Variants in VAMP4 observed in about 807,000 individuals in gnomAD.
VAMP4 encodes vesicle-associated membrane protein 4.
A neutral mutation model predicts 23.5 loss-of-function variants in VAMP4; 19 were observed. The ratio of observed to expected loss-of-function variants is 0.81; its 90% CI spans 0.56 to 1.19. The LOEUF (loss-of-function observed/expected upper bound fraction) is 1.19. Among genes scored for constraint, VAMP4 ranks in the 50% most tolerant of loss-of-function variants. The pLI is 0.00. For synonymous variants in VAMP4, 31 were observed against 51.0 expected (o/e 0.61, Z 1.67); for missense variants, 145 against 168.6 (o/e 0.86, Z 0.78).
chr1:171,719,017 C>T (rs188215781), intron 4 of VAMP4, among the ~76,000 whole-genome samples, 154 bp downstream of exon 4: 36 of 152,172 alleles, frequency 2.4e-4, no homozygotes, highest in African/African-American at 8.7e-4. Flanking sequence ...AAGTACCTAT[C>T]GATAATATGA....
At chr1:171,722,321 A>G (rs1655222262) in intron 3 of VAMP4, among the ~76,000 whole-genome samples, 1 of 152,208 alleles carries the variant, frequency 6.6e-6, no homozygotes, top group African/African-American at 2.4e-5. Context: ...AACCTAGGCA[A>G]TATCATTCAG....
At chr1:171,721,953 C>T (rs1459687764) in intron 3 of VAMP4, among the ~76,000 whole-genome samples, 1 of 152,158 alleles carries the variant, frequency 6.6e-6, no homozygotes, top group African/African-American at 2.4e-5. Context: ...CCAAGACAAT[C>T]CTAAGCCAAA....
intron 3 of VAMP4, among the ~76,000 whole-genome samples, chr1:171,724,760 A>C (rs1033230476): frequency 2.6e-5 from 4 of 152,142 alleles, no homozygotes; most frequent in Admixed American, 2.0e-4. Context: ...CCAATAGCCA[A>C]AAGAACTTTC....
chr1:171,730,951 T>A (rs1297476920), intron 2 of VAMP4, among the ~76,000 whole-genome samples: 2 of 151,872 alleles, frequency 1.3e-5, no homozygotes, highest in Non-Finnish European at 2.9e-5. Flanking sequence ...ACGCCTGTAA[T>A]CCCAGCACTT....
intron 2 of VAMP4, among the ~76,000 whole-genome samples, chr1:171,731,671 T>C (rs953975898): frequency 1.3e-5 from 2 of 152,230 alleles, no homozygotes; most frequent in African/African-American, 4.8e-5. Flanking sequence ...TAAATGTGAC[T>C]GGTTTGAATG....
chr1:171,737,377 A>G (rs990707679), intron 2 of VAMP4, among the ~76,000 whole-genome samples: 6 of 152,260 alleles, frequency 3.9e-5, no homozygotes, highest in Admixed American at 2.0e-4. Context: ...TAATCTGCCT[A>G]CAACATTCAT....
In VAMP4 at chr1:171,738,468, A is replaced by C; in HGVS notation, c.-49-5T>G. The C allele has an allele frequency of 6.5e-7, 1 of 1,550,308 alleles. No homozygotes were observed. The highest frequency in any genetic ancestry group is 8.9e-7 in the Non-Finnish European group (1 of 1,127,068). ...TCTCAACAGGATAGTCACCACCTTAAAGAGAAAATAAATTTCATCAGATTT... is the reference window on the plus strand; with the variant it reads ...TCTCAACAGGATAGTCACCACCTTACAGAGAAAATAAATTTCATCAGATTT... On this transcript the variant is annotated splice_region_variant and splice_polypyrimidine_tract_variant and intron_variant, in intron 1 of 7. Coordinates refer to ENST00000236192, the MANE Select transcript of VAMP4 (RefSeq NM_003762.5).
In VAMP4 at chr1:171,741,122, G is replaced by A. The variant is rs137961004; in HGVS notation, c.-50+788C>T. The stretch of plus-strand genomic sequence containing the variant: ...AGCCATCATGTACTTCCACATTGAG[G>A]ATAGACCACCACTATACAATTCACT... On this transcript the variant is annotated intron_variant, in intron 1 of 7. Coordinates refer to ENST00000236192, the MANE Select transcript of VAMP4 (RefSeq NM_003762.5). Among the ~76,000 whole-genome samples the A allele has an allele frequency of 7.2e-4, 109 of 152,306 alleles. 4 individuals are homozygous for A. In the East Asian group the frequency reaches 0.019, roughly 26 times the overall value.
chr1:171,737,093 G>A (rs1655767737), intron 2 of VAMP4, among the ~76,000 whole-genome samples: 1 of 152,208 alleles, frequency 6.6e-6, no homozygotes, highest in South Asian at 2.1e-4. Flanking sequence ...ATGACTAAAA[G>A]TCATAAGATG....
At chr1:171,730,720 T>C (rs1655532527) in intron 2 of VAMP4, among the ~76,000 whole-genome samples, 1 of 134,154 alleles carries the variant, frequency 7.5e-6, no homozygotes, top group South Asian at 2.7e-4. Flanking sequence ...ATCTAAACTG[T>C]GGTTTAGATA....
chr1:171,722,663 C>G (rs1464572162), intron 3 of VAMP4, among the ~76,000 whole-genome samples: 2 of 152,204 alleles, frequency 1.3e-5, no homozygotes, highest in African/African-American at 2.4e-5. Context: ...AAATGCTCAT[C>G]ATCACTGACC....
intron 1 of VAMP4, among the ~76,000 whole-genome samples, chr1:171,741,587 C>A (rs1655925945): frequency 6.6e-6 from 1 of 151,996 alleles, no homozygotes; most frequent in East Asian, 1.9e-4. Context: ...CCATTGTACC[C>A]CCTGGAATTC....
rs560984034 is a variant in VAMP4 at position 171,741,972 on chromosome 1, A to G, written c.-112T>C. On this transcript the variant is annotated 5_prime_UTR_variant, in exon 1 of 8. Coordinates refer to ENST00000236192, the MANE Select transcript of VAMP4 (RefSeq NM_003762.5). ...CTGGCGGTGCTGGGCGGGCGGGGGA[A>G]GGAGTAGGAAGCCGAGGTAAGAAGC... is the stretch of plus-strand genomic sequence containing the variant. 4.3e-5 allele frequency: 6 copies of G among 138,242 alleles called. No individual in the cohort carries two copies. The highest frequency in any genetic ancestry group is 1.6e-4 in the African/African-American group (6 of 38,260). 8.6% of individuals were successfully genotyped at this position (138,242 alleles called of 1,614,324 possible).
rs1018136876 is a variant in VAMP4, at chr1:171,702,160, TTC to T, written c.*2344_*2345del. On this transcript the variant is annotated 3_prime_UTR_variant, in exon 8 of 8. Coordinates refer to ENST00000236192, the MANE Select transcript of VAMP4 (RefSeq NM_003762.5). Reference sequence around the variant, plus strand: ...TCAGTTTGAACAATATATTTTTTTCTTCTGTTTTTGATCGTAAGAGGGCTTAT... The same window carrying T: ...TCAGTTTGAACAATATATTTTTTTCTTGTTTTTGATCGTAAGAGGGCTTAT... The T allele has an allele frequency of 6.6e-6, 1 of 152,186 alleles. No homozygotes were observed. Among genetic ancestry groups the T allele is most frequent in the African/African-American group, 2.4e-5 (1 of 41,568 alleles). The allele number at this position is 152,186 out of a possible 1,614,324, so 9.4% of individuals were successfully genotyped here. A position where few individuals can be genotyped will look rare whatever the true frequency, so the allele number is the denominator to read the frequency against.
chr1:171,722,104 A>G (rs1051826842), intron 3 of VAMP4, among the ~76,000 whole-genome samples: 1 of 152,198 alleles, frequency 6.6e-6, no homozygotes. Flanking sequence ...AATACCAGAC[A>G]TCTACAACCA....
intron 2 of VAMP4, among the ~76,000 whole-genome samples, chr1:171,737,699 A>G (rs1192648188): frequency 6.6e-6 from 1 of 152,204 alleles, no homozygotes; most frequent in Non-Finnish European, 1.5e-5. Flanking sequence ...GCACTGGTCC[A>G]GGCCCCAAAA....
rs1654390342 is a variant in VAMP4 at position 171,700,480 on chromosome 1, G to C, written c.*4026C>G. 6.6e-6 allele frequency: 1 copy of C among 152,174 alleles called. No individual in the cohort carries two copies. The highest frequency in any genetic ancestry group is 2.1e-4 in the South Asian group (1 of 4,820). 9.4% of individuals were successfully genotyped at this position (152,174 alleles called of 1,614,324 possible). Reference sequence around the variant, plus strand: ...TAACATTTTACTGACTAAAATCTCTGCTAATTATGTAATCTACTTTGTGGC... The same window carrying C: ...TAACATTTTACTGACTAAAATCTCTCCTAATTATGTAATCTACTTTGTGGC... On this transcript the variant is annotated 3_prime_UTR_variant, in exon 8 of 8. Coordinates refer to ENST00000236192, the MANE Select transcript of VAMP4 (RefSeq NM_003762.5).
chr1:171,733,530 T>C (rs1655631323), intron 2 of VAMP4, among the ~76,000 whole-genome samples: 1 of 152,134 alleles, frequency 6.6e-6, no homozygotes, highest in South Asian at 2.1e-4. Context: ...AAGATATGTT[T>C]ACTATAATTG....
chr1:171,731,017 A>T (rs1459091976), intron 2 of VAMP4, among the ~76,000 whole-genome samples: 1 of 151,716 alleles, frequency 6.6e-6, no homozygotes, highest in Non-Finnish European at 1.5e-5. Flanking sequence ...ATCCTGGCTA[A>T]CATGGTGAAA....
Sources: allele counts gnomAD v4.1 joint callset (sites outside exome capture counted in the v4.1 genomes callset), GRCh38; gene constraint gnomAD v4.1.1; transcripts MANE v1.5; gene names NCBI Gene and HGNC (gene_info 2026-07-23, HGNC 2026-07-21).